The following APOOL variants were observed in gnomAD, a reference collection of about 807,000 sequenced individuals.
The protein encoded by APOOL is apolipoprotein O like, also known as MICOS complex subunit MIC27.
In APOOL, 12 loss-of-function variants were observed where a neutral mutation model predicts 23.1. The ratio of observed to expected loss-of-function variants is 0.52; its 90% CI spans 0.33 to 0.84. The LOEUF (loss-of-function observed/expected upper bound fraction) is 0.84, where lower values mean the gene tolerates loss of function less well. Among genes scored for constraint, APOOL ranks in the 40% least tolerant of loss-of-function variants. APOOL has a pLI of 0.02. For synonymous variants in APOOL, 77 were observed against 69.9 expected (o/e 1.10, Z -0.51); for missense variants, 212 against 199.6 (o/e 1.06, Z -0.37).
intron 1 of APOOL, among the ~76,000 whole-genome samples, chrX:85,018,328 G>A (rs946459968): frequency 9.0e-6 from 1 of 111,568 alleles, no homozygotes; most frequent in Non-Finnish European, 1.9e-5. Context: ...GTCATATGGT[G>A]AGAGTGGCAG....
At chrX:85,009,919 G>A (rs1205077921) in intron 1 of APOOL, among the ~76,000 whole-genome samples, 3 of 111,479 alleles carry the variant, frequency 2.7e-5, no homozygotes, top group South Asian at 3.7e-4. Flanking sequence ...CTGTTCCTGC[G>A]TTTACTTGCT....
rs1922632595 is a variant in APOOL, at chrX:85,047,999, G to C, written c.120+1449G>C. On this transcript the variant is annotated intron_variant, in intron 2 of 8. Coordinates refer to ENST00000373173, the MANE Select transcript of APOOL (RefSeq NM_198450.6). ...TAGACTATTTCCAGCTATTGCTATTGTAATCAGTACTTGTTGAACCACTTT... is the reference window on the plus strand; with the variant it reads ...TAGACTATTTCCAGCTATTGCTATTCTAATCAGTACTTGTTGAACCACTTT... 2.7e-5 allele frequency among the ~76,000 whole-genome samples: 3 copies of C among 111,282 alleles called. No individual in the cohort carries two copies. In the South Asian group the frequency reaches 1.1e-3, roughly 42 times the overall value.
chrX:85,046,698 A>G (rs1602762576), intron 2 of APOOL, 148 bp downstream of exon 2: 2 of 476,612 alleles, frequency 4.2e-6, no homozygotes, highest in Non-Finnish European at 7.1e-6. Context: ...GTTATGAAGT[A>G]TCTCAAAAGA....
At chrX:85,020,385 T>C in intron 1 of APOOL, among the ~76,000 whole-genome samples, 1 of 110,788 alleles carries the variant, frequency 9.0e-6, no homozygotes, top group South Asian at 3.9e-4. Context: ...CACCAGGCAG[T>C]GTAGTGTGGA....
intron 8 of APOOL, among the ~76,000 whole-genome samples, chrX:85,077,074 T>C (rs113325254): frequency 0.022 from 1,026 of 47,447 alleles, 16 homozygotes; most frequent in African/African-American, 0.077. Flanking sequence ...TATATATATA[T>C]ACATATATAT....
rs761032571 is a variant in APOOL at position 85,050,824 on chromosome X, A to T, written c.121-565A>T. Among the ~76,000 whole-genome samples the T allele has an allele frequency of 4.1e-3, 455 of 110,370 alleles. 1 individual carries two copies. Among genetic ancestry groups the T allele is most frequent in the African/African-American group, 0.014 (424 of 30,469 alleles). On this transcript the variant is annotated intron_variant, in intron 2 of 8. Coordinates refer to ENST00000373173, the MANE Select transcript of APOOL (RefSeq NM_198450.6). ...GGAAAACAAAATCCTCTGTGTTTCC[A>T]TTTCATTCCATTCAGAGGTTACCAT...
intron 1 of APOOL, among the ~76,000 whole-genome samples, chrX:85,038,524 G>GTTATTTTTTTTTTTTTTTT (rs1922293863): frequency 2.3e-5 from 1 of 43,445 alleles, no homozygotes; most frequent in African/African-American, 1.1e-4. Context: ...TCTGGTACAA[G>GTTATTTTTTTTTTTTTTTT]TTTTTTTTTT....
chrX:85,058,623 G>T (rs1264138707), intron 5 of APOOL, among the ~76,000 whole-genome samples: 1 of 111,101 alleles, frequency 9.0e-6, no homozygotes, highest in Non-Finnish European at 1.9e-5. Context: ...TGGTATTTCC[G>T]GTTCTAAATC....
chrX:85,063,027 C>G (rs1461518372), intron 5 of APOOL, among the ~76,000 whole-genome samples: 1 of 111,610 alleles, frequency 9.0e-6, no homozygotes, highest in Non-Finnish European at 1.9e-5. Flanking sequence ...TTTGTGTCTT[C>G]TCTGATTTCC....
At chrX:85,056,610 G>A (rs1219841318) in intron 5 of APOOL, among the ~76,000 whole-genome samples, 1 of 110,495 alleles carries the variant, frequency 9.1e-6, no homozygotes, top group Non-Finnish European at 1.9e-5. Flanking sequence ...GGGCTTGGTG[G>A]CACATGCCTG....
intron 1 of APOOL, among the ~76,000 whole-genome samples, chrX:85,022,204 G>A (rs1478487677): frequency 8.9e-6 from 1 of 112,003 alleles, no homozygotes; most frequent in African/African-American, 3.2e-5. Flanking sequence ...TTCAAAAACT[G>A]AACAGCAGAC....
intron 8 of APOOL, among the ~76,000 whole-genome samples, chrX:85,074,987 T>G (rs1268456414): frequency 1.8e-5 from 2 of 110,437 alleles, no homozygotes; most frequent in Non-Finnish European, 3.8e-5. Flanking sequence ...GTGATTTTAC[T>G]GTGATCAAAA....
chrX:85,066,558 C>T (rs991612446), intron 5 of APOOL, among the ~76,000 whole-genome samples: 20 of 111,117 alleles, frequency 1.8e-4, no homozygotes, highest in African/African-American at 4.9e-4. Flanking sequence ...ATAGTTAAGG[C>T]ACTTATTGAT....
intron 1 of APOOL, among the ~76,000 whole-genome samples, chrX:85,039,909 A>T (rs1401073761): frequency 1.8e-5 from 2 of 111,838 alleles, no homozygotes; most frequent in South Asian, 3.7e-4. Flanking sequence ...TTCAAGTTTA[A>T]CATTGATATG....
At position 85,059,189 on chromosome X, in the gene APOOL, C is replaced by T. The variant is rs575563451; in HGVS notation, c.394+3264C>T. ...GACGGTTTCCAGTTTCATCCATGTC[C>T]CTACAAAGGACATGAACTCATCATT... On this transcript the variant is annotated intron_variant, in intron 5 of 8. Coordinates refer to ENST00000373173, the MANE Select transcript of APOOL (RefSeq NM_198450.6). 1.3e-3 allele frequency among the ~76,000 whole-genome samples: 139 copies of T among 109,641 alleles called. 2 individuals carry two copies. The South Asian group carries it at 0.055, about 44-fold the overall frequency.
At chrX:85,083,097 T>G (rs901936665) in intron 8 of APOOL, among the ~76,000 whole-genome samples, 5 of 111,043 alleles carry the variant, frequency 4.5e-5, no homozygotes, top group African/African-American at 1.6e-4. Context: ...GATAAGTGTT[T>G]CACCCTTTGT....
At chrX:85,027,726 T>A (rs1921890985) in intron 1 of APOOL, among the ~76,000 whole-genome samples, 1 of 112,280 alleles carries the variant, frequency 8.9e-6, no homozygotes, top group African/African-American at 3.2e-5. Context: ...TCGCCATGAA[T>A]GCCATTGCCT....
At chrX:85,011,757 G>A (rs1921293456) in intron 1 of APOOL, among the ~76,000 whole-genome samples, 1 of 111,900 alleles carries the variant, frequency 8.9e-6, no homozygotes, top group Non-Finnish European at 1.9e-5. Flanking sequence ...TTGTAGTATA[G>A]TTTGAAGTTG....
chrX:85,034,508 G>C (rs955966583), intron 1 of APOOL, among the ~76,000 whole-genome samples: 9 of 110,290 alleles, frequency 8.2e-5, no homozygotes, highest in African/African-American at 3.0e-4. Flanking sequence ...GGGTACATGT[G>C]CAGGTTTGTT....
Sources: allele counts gnomAD v4.1 joint callset (sites outside exome capture counted in the v4.1 genomes callset), GRCh38; gene constraint gnomAD v4.1.1; transcripts MANE v1.5; gene names NCBI Gene and HGNC (gene_info 2026-07-23, HGNC 2026-07-21).